Variants in NCOA2 observed in about 807,000 individuals in gnomAD.
NCOA2 encodes nuclear receptor coactivator 2.
NCOA2 carries 21 observed loss-of-function variants against 145.1 expected under a neutral mutation model. That is an observed-to-expected ratio of 0.14 (90% CI 0.10 to 0.21). The LOEUF is 0.21. NCOA2 is among the 10% of genes least tolerant of loss of function. The pLI is 1.00. For missense variants in NCOA2, 1,472 were observed against 1,837.6 expected, an observed-to-expected ratio of 0.80 and a Z score of 3.64; for synonymous variants, 619 against 637.5, an observed-to-expected ratio of 0.97 and a Z score of 0.44.
chr8:70,404,787 T>C (rs1471155729), upstream of NCOA2, among the ~76,000 whole-genome samples: 1 of 152,186 alleles, frequency 6.6e-6, no homozygotes, highest in African/African-American at 2.4e-5. Context: ...GCACTGAAAA[T>C]GCGAGAACCC....
chr8:70,112,197 A>G lies in NCOA2; in HGVS notation c.*1435T>C, dbSNP rs1418579068. The G allele has an allele frequency of 2.0e-5, 4 of 203,472 alleles. No homozygotes were observed. The highest frequency in any genetic ancestry group is 1.5e-4 in the East Asian group (2 of 13,168). The allele number at this position is 203,472 out of a possible 1,614,324, so 12.6% of individuals were successfully genotyped here. A position where few individuals can be genotyped will look rare whatever the true frequency, so the allele number is the denominator to read the frequency against. ...CAGAATCACAAGGTTTAGAAAATAA[A>G]AAGTCTTAAGTCTACAAATTAGGTC... On this transcript the variant is annotated 3_prime_UTR_variant, in exon 23 of 23. Transcript: ENST00000452400.
intron 1 of NCOA2, among the ~76,000 whole-genome samples, chr8:70,319,520 C>A (rs1275241561): frequency 7.0e-6 from 1 of 143,428 alleles, no homozygotes; most frequent in Non-Finnish European, 1.5e-5. Flanking sequence ...CTAGCATAGG[C>A]AACAGAGACC....
chr8:70,144,404 T>C (rs1810792700), intron 13 of NCOA2, among the ~76,000 whole-genome samples: 1 of 152,178 alleles, frequency 6.6e-6, no homozygotes, highest in Non-Finnish European at 1.5e-5. Flanking sequence ...GTCTCAGCTA[T>C]AGGATTAATG....
Position 70,113,370 on chromosome 8 carries a change from G to C in NCOA2, c.*262C>G. 1.8e-6 allele frequency: 1 copy of C among 542,236 alleles called. No individual in the cohort carries two copies. The highest frequency in any genetic ancestry group is 3.3e-6 in the Non-Finnish European group (1 of 302,942). The allele number at this position is 542,236 out of a possible 1,614,324, so 33.6% of individuals were successfully genotyped here. On this transcript the variant is annotated 3_prime_UTR_variant, in exon 23 of 23. Coordinates refer to ENST00000452400, the MANE Select transcript of NCOA2 (RefSeq NM_006540.4). ...TGTCAACATTTACTTTTGCAGGAGA[G>C]ATCTAAGTTGCACTAAGGTGAATGC...
intron 7 of NCOA2, among the ~76,000 whole-genome samples, chr8:70,165,047 T>A (rs929504888): frequency 6.6e-6 from 1 of 152,188 alleles, no homozygotes; most frequent in African/African-American, 2.4e-5. Flanking sequence ...TAACTTAACA[T>A]AGAACGTACT....
At chr8:70,283,673 T>C (rs1359189992) in intron 2 of NCOA2, among the ~76,000 whole-genome samples, 3 of 152,216 alleles carry the variant, frequency 2.0e-5, no homozygotes, top group African/African-American at 7.2e-5. Flanking sequence ...TATTTTCTGA[T>C]AATATGTCAA....
Position 70,113,327 on chromosome 8 carries a change from A to G in NCOA2, c.*305T>C. ...TACATTTAAATACATTCAATCTGAC[A>G]TGGGTATGAAATTTGCCTGTCAACA... On this transcript the variant is annotated 3_prime_UTR_variant, in exon 23 of 23. Transcript: ENST00000452400. 1 of 490,538 alleles carries G rather than the reference A, an allele frequency of 2.0e-6. No individual in the cohort carries two copies. Among genetic ancestry groups the G allele is most frequent in the South Asian group, 3.6e-5 (1 of 27,926 alleles). The allele number at this position is 490,538 out of a possible 1,614,324, so 30.4% of individuals were successfully genotyped here.
At chr8:70,397,266 A>G (rs1813757811) in intron 1 of NCOA2, among the ~76,000 whole-genome samples, 1 of 152,150 alleles carries the variant, frequency 6.6e-6, no homozygotes. Flanking sequence ...AGCCTGGCCA[A>G]CATGGTGAAA....
At chr8:70,121,256 T>G (rs376713815) in intron 22 of NCOA2, 46 bp downstream of exon 22, 1 of 1,496,454 alleles carries the variant, frequency 6.7e-7, no homozygotes, top group South Asian at 1.2e-5. Context: ...CAAATATTCA[T>G]GTTTGCTTTA....
At chr8:70,145,356 C>G (rs566566449) in intron 12 of NCOA2, among the ~76,000 whole-genome samples, 1 of 87,016 alleles carries the variant, frequency 1.1e-5, no homozygotes, top group Non-Finnish European at 2.3e-5. Flanking sequence ...GACGGAGTCT[C>G]GCTCTGTTGC....
At chr8:70,310,114 T>C (rs1828201925) in intron 1 of NCOA2, among the ~76,000 whole-genome samples, 1 of 152,030 alleles carries the variant, frequency 6.6e-6, no homozygotes, top group African/African-American at 2.4e-5. Context: ...GAGGACTGCT[T>C]GAGGCCGGGA....
intron 1 of NCOA2, among the ~76,000 whole-genome samples, chr8:70,341,809 A>G (rs1808167158): frequency 1.3e-5 from 2 of 152,192 alleles, no homozygotes; most frequent in African/African-American, 4.8e-5. Flanking sequence ...CAAAAGAAAG[A>G]CCTTAGGATG....
chr8:70,450,990 C>T, the NCOA2 span, among the ~76,000 whole-genome samples: 12 of 150,430 alleles, frequency 8.0e-5, no homozygotes, highest in African/African-American at 1.9e-4. Context: ...CTGAGTAGGG[C>T]GGATCACTTG....
chr8:70,129,562 G>A (rs1443610373), intron 16 of NCOA2, among the ~76,000 whole-genome samples: 1 of 152,164 alleles, frequency 6.6e-6, no homozygotes, highest in East Asian at 1.9e-4. Context: ...CCAATGTGAT[G>A]CGCTGCCTAT....
chr8:70,171,934 C>T (rs945861688), intron 5 of NCOA2, among the ~76,000 whole-genome samples: 12 of 152,296 alleles, frequency 7.9e-5, no homozygotes, highest in African/African-American at 2.9e-4. Context: ...AGTGATCCTC[C>T]CACCTCAGCC....
At chr8:70,219,836 A>C (rs1207332692) in intron 2 of NCOA2, among the ~76,000 whole-genome samples, 1 of 152,116 alleles carries the variant, frequency 6.6e-6, no homozygotes, top group African/African-American at 2.4e-5. Context: ...TTATGTGAGG[A>C]GGCTGGGCTG....
At chr8:70,331,179 C>A (rs144473358) in intron 1 of NCOA2, among the ~76,000 whole-genome samples, 139 of 152,174 alleles carry the variant, frequency 9.1e-4, no homozygotes, top group African/African-American at 3.1e-3. Context: ...TGGGCTTTCT[C>A]GTACAATAAT....
Position 70,162,779 on chromosome 8 carries a change from C to T in NCOA2, c.908G>A (p.Cys303Tyr). 1.2e-6 allele frequency: 2 copies of T among 1,613,996 alleles called. No homozygotes were observed. Among genetic ancestry groups the T allele is most frequent in the African/African-American group, 1.3e-5 (1 of 75,050 alleles). The change falls in exon 9 of 23, where the codon TGT (cysteine) becomes TAT (tyrosine). Residue 303 changes from cysteine to tyrosine, a missense_variant. This residue lies in a region of NCOA2 where 284 missense variants were observed against 467.8 expected (regional missense o/e 0.61). Coordinates refer to ENST00000452400, the MANE Select transcript of NCOA2 (RefSeq NM_006540.4). ...KPGWEDLVRRCIQKFHAQHEG... is the reference protein window; with the variant it reads ...KPGWEDLVRRYIQKFHAQHEG... ...ATGCTGCGCATGGAACTTCTGAATA[C>T]ACCTTCTTACCAGGTCCTCCCAGCC...
intron 7 of NCOA2, among the ~76,000 whole-genome samples, chr8:70,165,985 G>A (rs373840888): frequency 6.6e-5 from 10 of 152,084 alleles, no homozygotes; most frequent in Middle Eastern, 3.4e-3. Flanking sequence ...CACCACGCCC[G>A]GCTACTTTTT....
Sources: allele counts gnomAD v4.1 joint callset (sites outside exome capture counted in the v4.1 genomes callset), GRCh38; gene constraint gnomAD v4.1.1; regional missense constraint gnomAD v4.1.1; transcripts MANE v1.5; gene names NCBI Gene and HGNC (gene_info 2026-07-23, HGNC 2026-07-21).